The following NBAS variants were observed in gnomAD, a reference collection of about 807,000 sequenced individuals.
NBAS encodes NAG/BC035112 fusion.
NBAS carries 219 observed loss-of-function variants against 302.5 expected under a neutral mutation model. The ratio of observed to expected loss-of-function variants is 0.72; its 90% CI spans 0.65 to 0.81. NBAS has a LOEUF of 0.81. Among genes scored for constraint, NBAS ranks in the 30% least tolerant of loss-of-function variants. The pLI, the probability that NBAS is intolerant of heterozygous loss-of-function variation, is 0.00. For synonymous variants in NBAS, 1,118 were observed against 1,021.6 expected, an observed-to-expected ratio of 1.09 and a Z score of -1.80; for missense variants, 2,932 against 2,841.6, an observed-to-expected ratio of 1.03 and a Z score of -0.72.
At chr2:15,187,645 T>C (rs1241694879) in intron 49 of NBAS, among the ~76,000 whole-genome samples, 1 of 152,178 alleles carries the variant, frequency 6.6e-6, no homozygotes, top group Non-Finnish European at 1.5e-5. Context: ...CCATTTCTAT[T>C]GACAAGTTAA....
intron 34 of NBAS, among the ~76,000 whole-genome samples, chr2:15,352,833 T>G (rs577664179): frequency 6.6e-6 from 1 of 152,200 alleles, no homozygotes; most frequent in Admixed American, 6.5e-5. Flanking sequence ...GATCACCAGT[T>G]TCAGGGGTTT....
the NBAS span, among the ~76,000 whole-genome samples, chr2:15,103,301 A>C: frequency 1.3e-5 from 2 of 152,146 alleles, no homozygotes; most frequent in Non-Finnish European, 2.9e-5. Flanking sequence ...ATCTCACCTA[A>C]AAGTGAAAGT....
chr2:14,912,842 A>T, the NBAS span, among the ~76,000 whole-genome samples: 1 of 152,042 alleles, frequency 6.6e-6, no homozygotes. Flanking sequence ...CCTATTCTAT[A>T]TCCTGGTTTG....
At chr2:15,366,540 T>C (rs1163966350) in intron 32 of NBAS, 40 bp downstream of exon 32, 6 of 1,543,448 alleles carry the variant, frequency 3.9e-6, no homozygotes, top group Non-Finnish European at 5.4e-6. Context: ...AAGAATAACA[T>C]AGAAAGCTTA....
intron 44 of NBAS, 121 bp from the exon 45 acceptor site, chr2:15,238,807 A>T (rs973655452): frequency 1.2e-6 from 1 of 826,078 alleles, no homozygotes; most frequent in Admixed American, 3.0e-5. Flanking sequence ...ACCAATAAAT[A>T]GCACTTGTTA....
rs145722447 is a variant in NBAS, at chr2:15,463,625, G to A, written c.2098-1834C>T. Among the ~76,000 whole-genome samples the A allele has an allele frequency of 1.8e-4, 28 of 151,540 alleles. 1 individual carries two copies. The highest frequency in any genetic ancestry group is 1.3e-3 in the South Asian group (6 of 4,774). On this transcript the variant is annotated intron_variant, in intron 19 of 51. Coordinates refer to ENST00000281513, the MANE Select transcript of NBAS (RefSeq NM_015909.4). Reference sequence around the variant, plus strand: ...TAATCCCTGCCTCTTTCCCTTTATCGCACTCATCCAGCAAATCATACCCTA... The same window carrying A: ...TAATCCCTGCCTCTTTCCCTTTATCACACTCATCCAGCAAATCATACCCTA...
At chr2:15,439,936 C>T (rs188237980) in intron 21 of NBAS, among the ~76,000 whole-genome samples, 157 of 152,342 alleles carry the variant, frequency 1.0e-3, no homozygotes, top group Admixed American at 5.4e-3. Flanking sequence ...AACCGCAAGG[C>T]GGCAGTGAGG....
chr2:15,172,443 C>A (rs1015015255), intron 51 of NBAS, among the ~76,000 whole-genome samples: 2 of 151,980 alleles, frequency 1.3e-5, no homozygotes, highest in African/African-American at 4.8e-5. Flanking sequence ...AGTTCTGTTT[C>A]GGTTGTTTTT....
the NBAS span, among the ~76,000 whole-genome samples, chr2:15,008,294 T>A: frequency 6.6e-6 from 1 of 152,158 alleles, no homozygotes; most frequent in East Asian, 1.9e-4. Context: ...GAGCACAGAG[T>A]ACACCACTCT....
intron 15 of NBAS, among the ~76,000 whole-genome samples, chr2:15,473,615 C>A (rs1346543971): frequency 1.3e-5 from 2 of 152,194 alleles, no homozygotes; most frequent in African/African-American, 4.8e-5. Flanking sequence ...AACCATGGAA[C>A]AACCCGGCTT....
chr2:15,548,174 T>C (rs1249500275), intron 6 of NBAS, among the ~76,000 whole-genome samples: 2 of 152,182 alleles, frequency 1.3e-5, no homozygotes, highest in African/African-American at 4.8e-5. Flanking sequence ...TAAAAATCAT[T>C]TGAATAGTTC....
chr2:15,275,953 A>C (rs912066420), intron 43 of NBAS, 135 bp from the exon 44 acceptor site: 5 of 757,416 alleles, frequency 6.6e-6, no homozygotes, highest in Non-Finnish European at 8.6e-6. Flanking sequence ...TAGCTAGTTT[A>C]TATTTTCTAT....
chr2:14,973,229 C>G, the NBAS span, among the ~76,000 whole-genome samples: 1 of 152,138 alleles, frequency 6.6e-6, no homozygotes, highest in Admixed American at 6.5e-5. Flanking sequence ...TCCTAAGGGT[C>G]CTGAAGTGAC....
At chr2:15,192,776 C>T (rs1172538319) in intron 48 of NBAS, among the ~76,000 whole-genome samples, 1 of 152,144 alleles carries the variant, frequency 6.6e-6, no homozygotes, top group African/African-American at 2.4e-5. Context: ...TTCCAATGTT[C>T]CTAGCAGTGT....
intron 3 of NBAS, 145 bp downstream of exon 3, chr2:15,556,638 T>C: frequency 1.3e-6 from 1 of 745,338 alleles, no homozygotes; most frequent in Non-Finnish European, 2.3e-6. Context: ...TCTACCTAAA[T>C]GTTTGAAATG....
In NBAS at chr2:15,518,436, TC is replaced by T. The variant is rs1387660743; in HGVS notation, c.747-7087del. ...TTTACATGCAGTGGTAACCATTACA[TC>T]CTCAAATATACAGAATATTTGACTT... On this transcript the variant is annotated intron_variant, in intron 9 of 51. Transcript: ENST00000281513. Among the ~76,000 whole-genome samples the T allele has an allele frequency of 1.3e-4, 20 of 152,306 alleles. 1 individual carries two copies. In the South Asian group the frequency reaches 3.1e-3, roughly 24 times the overall value.
intron 48 of NBAS, among the ~76,000 whole-genome samples, chr2:15,204,495 C>G (rs756317973): frequency 9.9e-5 from 15 of 152,072 alleles, no homozygotes; most frequent in Non-Finnish European, 1.6e-4. Flanking sequence ...CTCTGTGAGA[C>G]TGGGCTGGCA....
At chr2:15,157,597 C>CT in the NBAS span, among the ~76,000 whole-genome samples, 6 of 152,170 alleles carry the variant, frequency 3.9e-5, no homozygotes, top group Non-Finnish European at 8.8e-5. Flanking sequence ...CAACCGGTTC[C>CT]TTTTTTTCAT....
At chr2:15,072,660 G>A in the NBAS span, among the ~76,000 whole-genome samples, 2 of 152,194 alleles carry the variant, frequency 1.3e-5, no homozygotes, top group Non-Finnish European at 2.9e-5. Context: ...TCAATACAAC[G>A]TGTTAAGGGA....
Sources: allele counts gnomAD v4.1 joint callset (sites outside exome capture counted in the v4.1 genomes callset), GRCh38; gene constraint gnomAD v4.1.1; transcripts MANE v1.5; gene names NCBI Gene and HGNC (gene_info 2026-07-23, HGNC 2026-07-21).